The following SORCS2 variants were observed in gnomAD, a reference collection of about 807,000 sequenced individuals.
The protein encoded by SORCS2 is VPS10 domain-containing receptor SorCS2.
SORCS2 carries 100 observed loss-of-function variants against 141.6 expected under a neutral mutation model. The observed-to-expected ratio is 0.71, with a 90% confidence interval of 0.60 to 0.83. The LOEUF is 0.83. Among genes scored for constraint, SORCS2 ranks in the 40% least tolerant of loss-of-function variants. The pLI is 0.00. For synonymous variants in SORCS2, 789 were observed against 676.9 expected (o/e 1.17, Z -2.57); for missense variants, 1,646 against 1,560.2 (o/e 1.05, Z -0.93).
At chr4:7,627,276 T>C (rs1719573666) in intron 3 of SORCS2, among the ~76,000 whole-genome samples, 1 of 152,184 alleles carries the variant, frequency 6.6e-6, no homozygotes, top group Non-Finnish European at 1.5e-5. Flanking sequence ...TGTGCCTCTG[T>C]ACCCAGCCTT....
At chr4:7,680,635 C>A (rs1293479617) in intron 9 of SORCS2, among the ~76,000 whole-genome samples, 1 of 152,266 alleles carries the variant, frequency 6.6e-6, no homozygotes, top group Non-Finnish European at 1.5e-5. Flanking sequence ...ATAATACAGG[C>A]AGCTGAATGC....
At chr4:7,260,247 C>T (rs951363886) in intron 1 of SORCS2, among the ~76,000 whole-genome samples, 5 of 152,142 alleles carry the variant, frequency 3.3e-5, no homozygotes, top group African/African-American at 9.7e-5. Context: ...GGCCAGTTGC[C>T]CCCTGAGGGG....
At chr4:7,704,706 G>A (rs544797771) in intron 14 of SORCS2, among the ~76,000 whole-genome samples, 2 of 152,202 alleles carry the variant, frequency 1.3e-5, no homozygotes, top group Non-Finnish European at 1.5e-5. Flanking sequence ...AGGGGCAAAG[G>A]GGCCTCAGGA....
At chr4:7,618,231 C>G (rs1214066118) in intron 3 of SORCS2, among the ~76,000 whole-genome samples, 1 of 152,156 alleles carries the variant, frequency 6.6e-6, no homozygotes, top group Non-Finnish European at 1.5e-5. Flanking sequence ...GTCATCCATT[C>G]CCCCTCTATC....
In SORCS2 at chr4:7,629,656, G is replaced by A. The variant is rs143562675; in HGVS notation, c.649-8672G>A. On this transcript the variant is annotated intron_variant, in intron 3 of 26. Transcript: ENST00000507866. ...CCCACTTCCTGCCATGCCTGGATGA[G>A]CTGTTCCTTTCCGGCACCCCCAGCC... 5.3e-5 allele frequency among the ~76,000 whole-genome samples: 8 copies of A among 151,724 alleles called. No individual in the cohort carries two copies. The South Asian group carries it at 1.3e-3, about 24-fold the overall frequency.
intron 2 of SORCS2, among the ~76,000 whole-genome samples, chr4:7,426,142 T>C (rs1726418168): frequency 6.6e-6 from 1 of 152,226 alleles, no homozygotes; most frequent in South Asian, 2.1e-4. Context: ...GGCCGCCCTG[T>C]GGCTGTAGAC....
intron 2 of SORCS2, among the ~76,000 whole-genome samples, chr4:7,494,390 G>C (rs1299204536): frequency 2.6e-5 from 4 of 152,076 alleles, no homozygotes; most frequent in African/African-American, 9.7e-5. Flanking sequence ...AGACTGCAAG[G>C]CTTAAACAAC....
chr4:7,212,614 C>T (rs1196099491), intron 1 of SORCS2, among the ~76,000 whole-genome samples: 5 of 152,218 alleles, frequency 3.3e-5, no homozygotes, highest in Non-Finnish European at 7.3e-5. Context: ...CCATGGGAAA[C>T]AGGCTAAAGA....
At chr4:7,569,325 A>G (rs1715224715) in intron 3 of SORCS2, among the ~76,000 whole-genome samples, 1 of 152,214 alleles carries the variant, frequency 6.6e-6, no homozygotes, top group Non-Finnish European at 1.5e-5. Context: ...AGCCTGGCCA[A>G]CATGGTGAAA....
At chr4:7,314,496 C>T (rs968394460) in intron 1 of SORCS2, among the ~76,000 whole-genome samples, 22 of 151,690 alleles carry the variant, frequency 1.5e-4, no homozygotes, top group Admixed American at 3.3e-4. Context: ...CCCGCCACCA[C>T]GCCCGGCTAC....
intron 1 of SORCS2, among the ~76,000 whole-genome samples, chr4:7,195,446 A>C (rs1035320103): frequency 6.6e-6 from 1 of 152,036 alleles, no homozygotes; most frequent in African/African-American, 2.4e-5. Context: ...TGGACCAGGC[A>C]TTGGGCTTCA....
intron 14 of SORCS2, among the ~76,000 whole-genome samples, chr4:7,708,787 G>A (rs1725640993): frequency 6.6e-6 from 1 of 152,206 alleles, no homozygotes; most frequent in African/African-American, 2.4e-5. Flanking sequence ...TTTTAGAGGT[G>A]CCAACACGTC....
At chr4:7,421,867 G>T (rs1295353289) in intron 2 of SORCS2, among the ~76,000 whole-genome samples, 1 of 148,300 alleles carries the variant, frequency 6.7e-6, no homozygotes, top group African/African-American at 2.5e-5. Flanking sequence ...AGGAGAGGGA[G>T]TGCAGGGGCT....
chr4:7,556,102 T>G (rs539984309), intron 3 of SORCS2, among the ~76,000 whole-genome samples: 61 of 152,304 alleles, frequency 4.0e-4, no homozygotes, highest in Middle Eastern at 6.8e-3. Context: ...GGGTTGTATT[T>G]GGAATGATCC....
At chr4:7,501,125 A>C (rs891388617) in intron 2 of SORCS2, among the ~76,000 whole-genome samples, 3 of 152,142 alleles carry the variant, frequency 2.0e-5, no homozygotes, top group Non-Finnish European at 2.9e-5. Flanking sequence ...GGGTGAGACG[A>C]ATCTTGCCCT....
rs190750020 is a variant in SORCS2 at position 7,582,637 on chromosome 4, T to C, written c.648+51008T>C. On this transcript the variant is annotated intron_variant, in intron 3 of 26. Coordinates refer to ENST00000507866, the MANE Select transcript of SORCS2 (RefSeq NM_020777.3). ...AGTCAGCCCTCGACACAAGGGTTTG[T>C]AAAAAAATAAATAAATAAAACAAAA... 2.6e-5 allele frequency among the ~76,000 whole-genome samples: 4 copies of C among 151,402 alleles called. No individual in the cohort carries two copies. The East Asian group carries it at 5.8e-4, about 22-fold the overall frequency.
At chr4:7,236,833 G>A (rs750268849) in intron 1 of SORCS2, among the ~76,000 whole-genome samples, 26 of 152,122 alleles carry the variant, frequency 1.7e-4, no homozygotes, top group Non-Finnish European at 3.7e-4. Flanking sequence ...TGCCCACTTC[G>A]GCCTCCCAAA....
intron 16 of SORCS2, among the ~76,000 whole-genome samples, chr4:7,714,911 C>T (rs1726090200): frequency 6.6e-6 from 1 of 152,214 alleles, no homozygotes; most frequent in Non-Finnish European, 1.5e-5. Flanking sequence ...TCTTTCCCTA[C>T]CTGTCTCTGT....
intron 26 of SORCS2, among the ~76,000 whole-genome samples, chr4:7,738,708 G>A (rs1712406139): frequency 6.6e-6 from 1 of 152,160 alleles, no homozygotes; most frequent in Non-Finnish European, 1.5e-5. Flanking sequence ...AACGTGAGCG[G>A]CGGAAACCAC....
Sources: gnomAD v4.1 joint callset for allele counts (sites outside exome capture counted in the v4.1 genomes callset) on GRCh38, gnomAD v4.1.1 for gene constraint, MANE v1.5 for transcripts, NCBI Gene and HGNC (gene_info 2026-07-23, HGNC 2026-07-21) for gene names.